Variants in CEP152 observed in about 807,000 individuals in gnomAD.
The protein encoded by CEP152 is centrosomal protein 152, also known as centrosomal protein of 152 kDa.
In CEP152, 132 loss-of-function variants were observed where a neutral mutation model predicts 188.9. The ratio of observed to expected loss-of-function variants is 0.70; its 90% CI spans 0.61 to 0.81. The LOEUF is 0.81. Ranked by LOEUF, CEP152 falls within the 30% of genes least tolerant of loss-of-function variation. The pLI is 0.00. For synonymous variants in CEP152, 649 were observed against 666.6 expected (o/e 0.97, Z 0.41); for missense variants, 1,914 against 1,969.8 (o/e 0.97, Z 0.54).
chr15:48,796,771 TC>T (rs367809326), intron 5 of CEP152, among the ~76,000 whole-genome samples: 111 of 152,052 alleles, frequency 7.3e-4, no homozygotes, highest in African/African-American at 2.6e-3. Context: ...TTCATTAAAC[TC>T]CCCCCCAGGA....
rs373783322 is a variant in CEP152 at position 48,800,156 on chromosome 15, G to A, written c.88-2105C>T. 9.6e-4 allele frequency among the ~76,000 whole-genome samples: 146 copies of A among 152,248 alleles called. 4 individuals are homozygous for A. The South Asian group carries it at 0.028, about 30-fold the overall frequency. On this transcript the variant is annotated intron_variant, in intron 2 of 26. Coordinates refer to ENST00000380950, the MANE Select transcript of CEP152 (RefSeq NM_001194998.2). ...CATCCACAGAGAAAAATTAATTTGA[G>A]TATAAGCAATCAGCTAATCAAAATG... is the stretch of plus-strand genomic sequence containing the variant.
chr15:48,764,660 T>C (rs1237249624), intron 17 of CEP152, among the ~76,000 whole-genome samples: 3 of 152,212 alleles, frequency 2.0e-5, no homozygotes, highest in Admixed American at 6.5e-5. Flanking sequence ...TCCGTGTATA[T>C]GATTTTTTCC....
downstream of CEP152, among the ~76,000 whole-genome samples, chr15:48,734,588 A>G (rs888360250): frequency 4.3e-5 from 5 of 117,638 alleles, no homozygotes; most frequent in African/African-American, 1.7e-4. Flanking sequence ...CTTCTCTGAT[A>G]AAAAAAAAAA....
chr15:48,808,982 A>C (rs1424697920), intron 1 of CEP152, among the ~76,000 whole-genome samples: 1 of 152,174 alleles, frequency 6.6e-6, no homozygotes, highest in Non-Finnish European at 1.5e-5. Flanking sequence ...CCTTAACAAG[A>C]CTATAAAAAG....
rs951659971 is a variant in CEP152, at chr15:48,806,131, C to T, written c.-7-475G>A. Among the ~76,000 whole-genome samples the T allele has an allele frequency of 3.9e-5, 6 of 152,062 alleles. No homozygotes were observed. In the East Asian group the frequency reaches 1.2e-3, roughly 29 times the overall value. ...CCCCTAAATCATGAGTGAATGACTACTACCCAGAAACCATTTACAATTCAG... is the reference window on the plus strand; with the variant it reads ...CCCCTAAATCATGAGTGAATGACTATTACCCAGAAACCATTTACAATTCAG... On this transcript the variant is annotated intron_variant, in intron 1 of 26. Coordinates refer to ENST00000380950, the MANE Select transcript of CEP152 (RefSeq NM_001194998.2).
rs143493906 is a variant in CEP152, at chr15:48,744,764, T to C, written c.3731+132A>G. The C allele has an allele frequency of 6.5e-4, 556 of 852,894 alleles. 3 individuals carry two copies. The African/African-American group carries it at 8.9e-3, about 14-fold the overall frequency. 52.8% of individuals were successfully genotyped at this position (852,894 alleles called of 1,614,324 possible). ...GTCACTAGAGGGTATCTTCAGGAAA[T>C]AAGGTTTTGGGGGATTTTCTTCTTT... On this transcript the variant is annotated intron_variant, in intron 23 of 26. Coordinates refer to ENST00000380950, the MANE Select transcript of CEP152 (RefSeq NM_001194998.2).
At chr15:48,749,034 A>T (rs1893684232) in intron 21 of CEP152, among the ~76,000 whole-genome samples, 1 of 152,160 alleles carries the variant, frequency 6.6e-6, no homozygotes, top group Non-Finnish European at 1.5e-5. Flanking sequence ...AAATACAGGC[A>T]TGTCACAAGG....
At chr15:48,770,077 A>G (rs946035853) in intron 13 of CEP152, among the ~76,000 whole-genome samples, 6 of 152,038 alleles carry the variant, frequency 3.9e-5, no homozygotes, top group Non-Finnish European at 1.5e-5. Context: ...AACTTTGCAT[A>G]TTTTCCTCTG....
At chr15:48,735,827 T>C (rs1054323804), downstream of CEP152, among the ~76,000 whole-genome samples, 5 of 151,314 alleles carry the variant, frequency 3.3e-5, no homozygotes, top group Non-Finnish European at 7.4e-5. Context: ...AAATTGGCAA[T>C]AGAAAAACAA....
At chr15:48,786,621 A>G (rs988321743) in intron 9 of CEP152, among the ~76,000 whole-genome samples, 2 of 152,200 alleles carry the variant, frequency 1.3e-5, no homozygotes, top group African/African-American at 4.8e-5. Context: ...TGGAATCACC[A>G]CTTTGCAAAG....
At chr15:48,745,106 T>C in intron 22 of CEP152, 114 bp from the exon 23 acceptor site, 1 of 695,722 alleles carries the variant, frequency 1.4e-6, no homozygotes, top group Non-Finnish European at 2.3e-6. Context: ...TCCAGTCGCT[T>C]TTCTGTAACG....
At chr15:48,788,684 A>G (rs1393194029) in intron 9 of CEP152, 117 bp downstream of exon 9, 1 of 1,029,830 alleles carries the variant, frequency 9.7e-7, no homozygotes, top group Non-Finnish European at 1.5e-6. Flanking sequence ...CTCACACACA[A>G]TCTAACATTT....
chr15:48,739,361 A>T (rs1892802619), intron 26 of CEP152, 73 bp from the exon 27 acceptor site: 1 of 1,472,866 alleles, frequency 6.8e-7, no homozygotes, highest in Admixed American at 2.8e-5. Flanking sequence ...TTGAACAAAA[A>T]AATAAAAAAA....
chr15:48,786,989 T>C (rs1209213625), intron 9 of CEP152, among the ~76,000 whole-genome samples: 2 of 152,112 alleles, frequency 1.3e-5, no homozygotes, highest in Non-Finnish European at 2.9e-5. Flanking sequence ...GGATCCACTC[T>C]TCTCCAGTCA....
intron 21 of CEP152, among the ~76,000 whole-genome samples, chr15:48,750,638 A>C (rs1893800591): frequency 6.6e-6 from 1 of 152,206 alleles, no homozygotes; most frequent in South Asian, 2.1e-4. Flanking sequence ...ATATTCATAC[A>C]CTGAAATACT....
At chr15:48,761,914 G>A (rs989416199) in intron 18 of CEP152, among the ~76,000 whole-genome samples, 16 of 152,306 alleles carry the variant, frequency 1.1e-4, no homozygotes, top group Middle Eastern at 3.4e-3. Flanking sequence ...CACCACTTTT[G>A]GAAAGCTGAT....
intron 12 of CEP152, among the ~76,000 whole-genome samples, 167 bp downstream of exon 12, chr15:48,781,029 T>G (rs1896207329): frequency 6.6e-6 from 1 of 152,194 alleles, no homozygotes; most frequent in Non-Finnish European, 1.5e-5. Flanking sequence ...CTAGGAAAAA[T>G]TAATGTATAT....
At chr15:48,760,004 T>C in intron 19 of CEP152, 131 bp downstream of exon 19, 1 of 1,164,932 alleles carries the variant, frequency 8.6e-7, no homozygotes, top group Non-Finnish European at 1.3e-6. Flanking sequence ...GGCTTTGAGC[T>C]ATTGCTTAAC....
At chr15:48,798,404 A>G (rs139644858) in intron 2 of CEP152, among the ~76,000 whole-genome samples, 35 of 152,336 alleles carry the variant, frequency 2.3e-4, no homozygotes, top group Middle Eastern at 6.8e-3. Flanking sequence ...AAGTCTCAGA[A>G]TCCTGTTTTA....
Sources: allele counts gnomAD v4.1 joint callset (sites outside exome capture counted in the v4.1 genomes callset), GRCh38; gene constraint gnomAD v4.1.1; transcripts MANE v1.5; gene names NCBI Gene and HGNC (gene_info 2026-07-23, HGNC 2026-07-21).